Variants in FSTL5 observed in about 807,000 individuals in gnomAD.
The protein encoded by FSTL5 is follistatin like 5.
A neutral mutation model predicts 89.1 loss-of-function variants in FSTL5; 62 were observed. The observed-to-expected ratio is 0.70, with a 90% CI of 0.57 to 0.86. The LOEUF (loss-of-function observed/expected upper bound fraction) is 0.86, where lower values mean the gene tolerates loss of function less well. Ranked by LOEUF, FSTL5 falls within the 40% of genes least tolerant of loss-of-function variation. The probability of loss-of-function intolerance (pLI) is 0.00; values close to 1 mark genes in which losing one functional copy is unlikely to be tolerated. For missense variants in FSTL5, 1,057 were observed against 1,001.6 expected, an observed-to-expected ratio of 1.06 and a Z score of -0.75; for synonymous variants, 383 against 346.2, an observed-to-expected ratio of 1.11 and a Z score of -1.18.
At chr4:161,719,573 A>T (rs1312800054) in intron 6 of FSTL5, among the ~76,000 whole-genome samples, 1 of 152,172 alleles carries the variant, frequency 6.6e-6, no homozygotes, top group Non-Finnish European at 1.5e-5. Context: ...TTTGGGTAGC[A>T]TGGCTATTTT....
At chr4:161,428,608 G>T (rs1394780018) in intron 15 of FSTL5, among the ~76,000 whole-genome samples, 2 of 152,142 alleles carry the variant, frequency 1.3e-5, no homozygotes, top group African/African-American at 4.8e-5. Context: ...GACATTTCTA[G>T]ACACACCCTG....
chr4:161,899,284 GAGA>G (rs1733274389), intron 4 of FSTL5, among the ~76,000 whole-genome samples: 2 of 152,192 alleles, frequency 1.3e-5, no homozygotes, highest in South Asian at 4.1e-4. Flanking sequence ...AGCTGATGCA[GAGA>G]AGAAAAGAAG....
At chr4:161,642,074 A>G (rs1237995715) in intron 7 of FSTL5, among the ~76,000 whole-genome samples, 1 of 152,184 alleles carries the variant, frequency 6.6e-6, no homozygotes, top group Non-Finnish European at 1.5e-5. Flanking sequence ...TATACATTTA[A>G]GAGATGCAGC....
rs185006177 is a variant in FSTL5, at chr4:162,099,430, G to A, written c.126+11841C>T. On this transcript the variant is annotated intron_variant, in intron 2 of 15. Coordinates refer to ENST00000306100, the MANE Select transcript of FSTL5 (RefSeq NM_020116.5). Reference sequence around the variant, plus strand: ...ACAATAAAAATGTTATGTCTCTCATGGCAAGAATGGATTCACAATAAATTT... The same window carrying A: ...ACAATAAAAATGTTATGTCTCTCATAGCAAGAATGGATTCACAATAAATTT... 3.1e-4 allele frequency among the ~76,000 whole-genome samples: 47 copies of A among 152,134 alleles called. 1 individual carries two copies. The East Asian group carries it at 7.0e-3, about 23-fold the overall frequency.
chr4:161,478,525 AC>A (rs1265692944), intron 13 of FSTL5, among the ~76,000 whole-genome samples: 27 of 152,126 alleles, frequency 1.8e-4, no homozygotes, highest in African/African-American at 6.3e-4. Flanking sequence ...ACCTTCTTGT[AC>A]TTGGGAACTC....
At chr4:161,928,094 A>G (rs1466634772) in intron 3 of FSTL5, among the ~76,000 whole-genome samples, 1 of 151,842 alleles carries the variant, frequency 6.6e-6, no homozygotes, top group African/African-American at 2.4e-5. Flanking sequence ...GCAATTGCTG[A>G]TATATTTAAT....
At chr4:161,821,414 A>C (rs954721939) in intron 4 of FSTL5, among the ~76,000 whole-genome samples, 1 of 152,164 alleles carries the variant, frequency 6.6e-6, no homozygotes, top group African/African-American at 2.4e-5. Context: ...TGATTAAAAA[A>C]AAGTTCTTTA....
At chr4:161,849,611 T>C (rs562110885) in intron 4 of FSTL5, among the ~76,000 whole-genome samples, 1 of 152,126 alleles carries the variant, frequency 6.6e-6, no homozygotes, top group Non-Finnish European at 1.5e-5. Flanking sequence ...TTTGTTCATC[T>C]TCTTTGCTTA....
At chr4:161,641,937 G>A (rs1036948594) in intron 7 of FSTL5, among the ~76,000 whole-genome samples, 3 of 152,020 alleles carry the variant, frequency 2.0e-5, no homozygotes, top group Non-Finnish European at 2.9e-5. Flanking sequence ...ACATAGTTAC[G>A]CAAGAAATGA....
intron 15 of FSTL5, among the ~76,000 whole-genome samples, chr4:161,431,999 C>T (rs1318982569): frequency 6.6e-6 from 1 of 151,954 alleles, no homozygotes; most frequent in Non-Finnish European, 1.5e-5. Context: ...GAGAAATAGA[C>T]CCTAATAATA....
chr4:161,902,816 T>A (rs1200619978), intron 4 of FSTL5, among the ~76,000 whole-genome samples: 6 of 152,078 alleles, frequency 3.9e-5, no homozygotes, highest in African/African-American at 1.2e-4. Context: ...GCCACTGCAC[T>A]CCAGCCTGGG....
chr4:161,718,815 T>C (rs1739094207), intron 6 of FSTL5, among the ~76,000 whole-genome samples: 1 of 152,176 alleles, frequency 6.6e-6, no homozygotes, highest in African/African-American at 2.4e-5. Context: ...CAAAACATGG[T>C]AATGCATTAA....
In FSTL5 at chr4:161,711,706, G is replaced by A. The variant is rs1392870538; in HGVS notation, c.727+47705C>T. Among the ~76,000 whole-genome samples, 3 of 151,920 alleles carry A rather than the reference G, an allele frequency of 2.0e-5. No individual in the cohort carries two copies. In the East Asian group the frequency reaches 5.8e-4, roughly 29 times the overall value. The stretch of plus-strand genomic sequence containing the variant: ...AAAATTTAACAACAGTATCCCTTAT[G>A]AATATTAATATAAAAATCCTCAACA... On this transcript the variant is annotated intron_variant, in intron 6 of 15. Coordinates refer to ENST00000306100, the MANE Select transcript of FSTL5 (RefSeq NM_020116.5).
At chr4:161,515,035 C>A (rs1730768470) in intron 10 of FSTL5, among the ~76,000 whole-genome samples, 1 of 151,828 alleles carries the variant, frequency 6.6e-6, no homozygotes, top group Non-Finnish European at 1.5e-5. Flanking sequence ...ATAATGAATA[C>A]TATGTAGATA....
intron 4 of FSTL5, among the ~76,000 whole-genome samples, chr4:161,869,703 A>T (rs1439447574): frequency 6.6e-6 from 1 of 152,214 alleles, no homozygotes; most frequent in African/African-American, 2.4e-5. Context: ...TCTCTGGCTG[A>T]AATATCAGTT....
intron 6 of FSTL5, among the ~76,000 whole-genome samples, chr4:161,720,211 A>AG (rs1415028344): frequency 7.9e-5 from 12 of 151,976 alleles, no homozygotes; most frequent in Non-Finnish European, 1.8e-4. Flanking sequence ...TAGCAAAAAA[A>AG]AAAAAAAAAT....
chr4:161,537,613 C>A (rs1365325799), intron 10 of FSTL5, among the ~76,000 whole-genome samples: 2 of 152,116 alleles, frequency 1.3e-5, no homozygotes, highest in African/African-American at 2.4e-5. Flanking sequence ...AATCAGACAA[C>A]ATGAACCATG....
intron 6 of FSTL5, among the ~76,000 whole-genome samples, chr4:161,677,041 C>G (rs1737330116): frequency 6.7e-6 from 1 of 150,312 alleles, no homozygotes; most frequent in African/African-American, 2.4e-5. Context: ...ATTCCCCTTT[C>G]TTTCTTCATG....
At chr4:161,712,565 C>A (rs1184406831) in intron 6 of FSTL5, among the ~76,000 whole-genome samples, 1 of 152,108 alleles carries the variant, frequency 6.6e-6, no homozygotes, top group Non-Finnish European at 1.5e-5. Context: ...TATTTAAACA[C>A]TTGGAAAATG....
Sources: allele counts gnomAD v4.1 joint callset (sites outside exome capture counted in the v4.1 genomes callset), GRCh38; gene constraint gnomAD v4.1.1; transcripts MANE v1.5; gene names NCBI Gene and HGNC (gene_info 2026-07-23, HGNC 2026-07-21).